The following NDUFS1 variants were observed in gnomAD, a reference collection of about 807,000 sequenced individuals.
The protein encoded by NDUFS1 is NADH:ubiquinone oxidoreductase core subunit S1, also known as NADH-ubiquinone oxidoreductase 75 kDa subunit, mitochondrial.
Under a neutral mutation model 84.4 loss-of-function variants are expected in NDUFS1, and 61 were observed. The observed-to-expected ratio is 0.72, with a 90% CI of 0.59 to 0.89. NDUFS1 has a LOEUF of 0.89. Among genes scored for constraint, NDUFS1 ranks in the 40% least tolerant of loss-of-function variants. NDUFS1 has a pLI of 0.00. For synonymous variants in NDUFS1, 275 were observed against 290.0 expected, an observed-to-expected ratio of 0.95 and a Z score of 0.53; for missense variants, 891 against 890.0, an observed-to-expected ratio of 1.00 and a Z score of -0.01.
Position 206,152,428 on chromosome 2 carries a change from G to A in NDUFS1, c.144C>T (p.Thr48=), listed in dbSNP as rs1241151000. 8.7e-6 allele frequency: 14 copies of A among 1,613,620 alleles called. No individual in the cohort carries two copies. Among genetic ancestry groups the A allele is most frequent in the African/African-American group, 4.0e-5 (3 of 74,876 alleles). ...TAGAATGTATGCCTACTTGGAGGACGGTCGTTCCCGGTTCCACCATGACAG... is the reference window on the plus strand; with the variant it reads ...TAGAATGTATGCCTACTTGGAGGACAGTCGTTCCCGGTTCCACCATGACAG... The part of the protein sequence containing the change: ...GQSVMVEPGT[T]VLQACEKVGM... Residue 48 remains threonine, a synonymous_variant, in exon 3 of 19, where the codon ACC becomes ACT. Transcript: ENST00000233190.
Position 206,126,672 on chromosome 2 carries a change from T to C in NDUFS1, c.2019+38A>G, listed in dbSNP as rs1168908321. 7 of 1,614,128 alleles carry C rather than the reference T, an allele frequency of 4.3e-6. No homozygotes were observed. The East Asian group carries it at 8.9e-5, about 21-fold the overall frequency. On this transcript the variant is annotated intron_variant, in intron 17 of 18. Transcript: ENST00000233190. ...AAACTAGTACTGTTACACCAGTAGATACAACATTATGAAAACTGCTCATAG... is the reference window on the plus strand; with the variant it reads ...AAACTAGTACTGTTACACCAGTAGACACAACATTATGAAAACTGCTCATAG...
intron 8 of NDUFS1, among the ~76,000 whole-genome samples, chr2:206,146,480 T>C (rs551707274): frequency 6.6e-6 from 1 of 151,824 alleles, no homozygotes; most frequent in Non-Finnish European, 1.5e-5. Context: ...ATGAGAGATA[T>C]ACACAGAAAT....
At chr2:206,132,419 A>G (rs1357853047) in intron 14 of NDUFS1, among the ~76,000 whole-genome samples, 1 of 152,114 alleles carries the variant, frequency 6.6e-6, no homozygotes, top group Non-Finnish European at 1.5e-5. Context: ...CTTTATCTCT[A>G]CAAAAACAAA....
At chr2:206,158,925 CCAAA>C (rs1182056563) in intron 1 of NDUFS1, among the ~76,000 whole-genome samples, 1 of 152,214 alleles carries the variant, frequency 6.6e-6, no homozygotes, top group Non-Finnish European at 1.5e-5. Flanking sequence ...ACAACAGCGA[CCAAA>C]CAATCATGCA....
rs1692407779 is a variant in NDUFS1 at position 206,152,468 on chromosome 2, A to G, written c.104T>C (p.Phe35Ser). The part of the protein sequence containing the change: ...ATAASNLIEV[F>S]VDGQSVMVEP... Reference sequence around the variant, plus strand: ...CACCATGACAGACTGACCATCAACAAATACTTCAATCAAGTTGCTTGCTGC... The same window carrying G: ...CACCATGACAGACTGACCATCAACAGATACTTCAATCAAGTTGCTTGCTGC... Residue 35 changes from phenylalanine (F) to serine (S), a missense_variant, in exon 3 of 19, where the codon TTT becomes TCT. By Grantham distance (155) the Phe-to-Ser change is radical. Transcript: ENST00000233190. 5.6e-6 allele frequency: 9 copies of G among 1,614,196 alleles called. No individual in the cohort carries two copies. Among genetic ancestry groups the G allele is most frequent in the African/African-American group, 1.3e-5 (1 of 75,056 alleles).
chr2:206,154,186 C>G (rs1687533209), intron 1 of NDUFS1, among the ~76,000 whole-genome samples: 1 of 152,210 alleles, frequency 6.6e-6, no homozygotes, highest in Non-Finnish European at 1.5e-5. Flanking sequence ...TTGCTATTTT[C>G]TGGTACACTT....
At position 206,127,803 on chromosome 2, in the gene NDUFS1, G is replaced by A; in HGVS notation, c.1878C>T (p.Leu626=). The A allele has an allele frequency of 6.2e-7, 1 of 1,613,914 alleles. No homozygotes were observed. Among genetic ancestry groups the A allele is most frequent in the Non-Finnish European group, 8.5e-7 (1 of 1,179,924 alleles). The change falls in exon 16 of 19, where the codon CTC becomes CTT. Residue 626 remains leucine, a synonymous_variant. Transcript: ENST00000233190. ...AATGACTCAGAAATTATACCTCAGA[G>A]AGTGCTCTTATAATTTTCCAGTCTT... ...AREDWKIIRA[L]SEIAGMTLPY...
At chr2:206,143,645 G>A (rs915068396) in intron 10 of NDUFS1, among the ~76,000 whole-genome samples, 7 of 151,474 alleles carry the variant, frequency 4.6e-5, no homozygotes, top group Non-Finnish European at 7.4e-5. Flanking sequence ...GCAGTGGTGC[G>A]ATCTCGGCTC....
At chr2:206,124,421 C>T (rs1331535762) in intron 18 of NDUFS1, 145 bp from the exon 19 acceptor site, 11 of 677,824 alleles carry the variant, frequency 1.6e-5, no homozygotes, top group Non-Finnish European at 2.6e-5. Flanking sequence ...CCAACAGATT[C>T]CAACGATAAA....
chr2:206,142,130 T>C (rs1156327908), intron 11 of NDUFS1, 61 bp from the exon 12 acceptor site: 2 of 1,425,084 alleles, frequency 1.4e-6, no homozygotes, highest in Non-Finnish European at 9.8e-7. Context: ...AGAGAATCCA[T>C]GAAATATTCT....
chr2:206,137,523 G>A (rs1439925438), intron 13 of NDUFS1, among the ~76,000 whole-genome samples: 3 of 151,890 alleles, frequency 2.0e-5, no homozygotes, highest in African/African-American at 4.8e-5. Context: ...GGGGCGGGGC[G>A]GAGGAATAAA....
At position 206,138,621 on chromosome 2, in the gene NDUFS1, TAAA is replaced by T; in HGVS notation, c.1263-10_1263-8del. The T allele has an allele frequency of 6.2e-7, 1 of 1,613,596 alleles. No individual in the cohort carries two copies. The highest frequency in any genetic ancestry group is 8.5e-7 in the Non-Finnish European group (1 of 1,179,666). On this transcript the variant is annotated splice_polypyrimidine_tract_variant and splice_region_variant and intron_variant, in intron 12 of 18. Coordinates refer to ENST00000233190, the MANE Select transcript of NDUFS1 (RefSeq NM_005006.7). ...TAAGTCATTATGCAGCCAGCTGAAA[TAAA>T]AACAACATTTTAAGAAGTAAATAAC...
chr2:206,159,174 GCCCC>G, intron 1 of NDUFS1, 163 bp downstream of exon 1: 1 of 1,534,958 alleles, frequency 6.5e-7, no homozygotes, highest in Non-Finnish European at 8.7e-7. Flanking sequence ...GTGGCTAAAA[GCCCC>G]CCATCTGCCG....
At chr2:206,127,717 ACTT>A (rs1284669591) in intron 16 of NDUFS1, 77 bp downstream of exon 16, 1 of 1,457,328 alleles carries the variant, frequency 6.9e-7, no homozygotes, top group Non-Finnish European at 9.6e-7. Context: ...ATCTTCCTTG[ACTT>A]TGAAAATCAT....
At chr2:206,143,954 T>G (rs1270180666) in intron 10 of NDUFS1, 64 bp downstream of exon 10, 2 of 1,364,920 alleles carry the variant, frequency 1.5e-6, no homozygotes, top group Admixed American at 3.4e-5. Context: ...ATCCCCCCCT[T>G]CATGGCAAAG....
chr2:206,127,699 A>G, intron 16 of NDUFS1, 98 bp downstream of exon 16: 1 of 1,271,224 alleles, frequency 7.9e-7, no homozygotes, highest in Non-Finnish European at 1.1e-6. Flanking sequence ...TCTGCATTTC[A>G]GACTGGCATC....
intron 1 of NDUFS1, among the ~76,000 whole-genome samples, chr2:206,158,417 AG>A (rs1262468783): frequency 6.6e-6 from 1 of 152,150 alleles, no homozygotes; most frequent in Non-Finnish European, 1.5e-5. Flanking sequence ...TTCATTGACC[AG>A]GCTATCTAAC....
chr2:206,116,974 G>C lies in NDUFS1; in HGVS notation c.*7211C>G, dbSNP rs1472246819. 1 of 152,160 alleles carries C rather than the reference G, an allele frequency of 6.6e-6. No individual in the cohort carries two copies. The highest frequency in any genetic ancestry group is 1.9e-4 in the East Asian group (1 of 5,176). 9.4% of individuals were successfully genotyped at this position (152,160 alleles called of 1,614,324 possible). ...GTGGAGGTTGCAGTGAGCTGAGATT[G>C]TGCCACTGCACTTCAGCCTGGGCGA... On this transcript the variant is annotated 3_prime_UTR_variant, in exon 19 of 19. Coordinates refer to ENST00000233190, the MANE Select transcript of NDUFS1 (RefSeq NM_005006.7).
At position 206,133,095 on chromosome 2, in the gene NDUFS1, TC is replaced by T; in HGVS notation, c.1402del (p.Glu468LysfsTer9). 1 of 1,611,852 alleles carries T rather than the reference TC, an allele frequency of 6.2e-7. No individual in the cohort carries two copies. Among genetic ancestry groups the T allele is most frequent in the African/African-American group, 1.3e-5 (1 of 75,002 alleles). ...TAAAACCACCATTGGTTTTTTAGCT[TC>T]CTTTAGGACCTATTTAAAAAAAAAA... ...GSHPFSQVLKEAKKPMVVLGS... is the reference protein window; with the variant it reads ...GSHPFSQVLKXAKKPMVVLGS... On this transcript the variant is annotated frameshift_variant, in exon 14 of 19. Coordinates refer to ENST00000233190, the MANE Select transcript of NDUFS1 (RefSeq NM_005006.7). LOFTEE classifies it high-confidence loss of function.
Sources: gnomAD v4.1 joint callset for allele counts (sites outside exome capture counted in the v4.1 genomes callset) on GRCh38, gnomAD v4.1.1 for gene constraint, MANE v1.5 for transcripts, NCBI Gene and HGNC (gene_info 2026-07-23, HGNC 2026-07-21) for gene names.